The following WWOX variants were observed in gnomAD, a reference collection of about 807,000 sequenced individuals.
The protein encoded by WWOX is WW domain containing oxidoreductase, also known as WW domain-containing oxidoreductase.
In WWOX, 69 loss-of-function variants were observed where a neutral mutation model predicts 46.2. The observed-to-expected ratio is 1.49, with a 90% CI of 1.23 to 1.82. The LOEUF (loss-of-function observed/expected upper bound fraction) is 1.82, where lower values mean the gene tolerates loss of function less well. WWOX is among the 40% of genes most tolerant of loss of function. The probability of loss-of-function intolerance (pLI) is 0.00; values close to 1 mark genes in which losing one functional copy is unlikely to be tolerated. For synonymous variants in WWOX, 359 were observed against 202.6 expected (o/e 1.77, Z -6.56); for missense variants, 919 against 542.6 (o/e 1.69, Z -6.89).
chr16:78,221,438 A>T (rs578186495), intron 5 of WWOX, among the ~76,000 whole-genome samples: 1 of 152,192 alleles, frequency 6.6e-6, no homozygotes, highest in South Asian at 2.1e-4. Flanking sequence ...TTAATTGTGT[A>T]CTTTGAAGAA....
intron 8 of WWOX, among the ~76,000 whole-genome samples, chr16:78,738,626 T>C (rs2049143444): frequency 6.6e-6 from 1 of 152,224 alleles, no homozygotes; most frequent in Non-Finnish European, 1.5e-5. Flanking sequence ...TATATTTTTG[T>C]TACGCTTGTG....
chr16:78,716,573 C>G (rs2048567177), intron 8 of WWOX, among the ~76,000 whole-genome samples: 1 of 152,050 alleles, frequency 6.6e-6, no homozygotes, highest in African/African-American at 2.4e-5. Flanking sequence ...CAGTGTCTTC[C>G]CAGCCCCTGC....
chr16:78,718,678 A>C (rs559176091), intron 8 of WWOX, among the ~76,000 whole-genome samples: 1 of 152,286 alleles, frequency 6.6e-6, no homozygotes, highest in African/African-American at 2.4e-5. Flanking sequence ...ACAGCACTCC[A>C]GCCTGGCCAA....
chr16:79,058,239 G>A (rs1044172328), intron 8 of WWOX, among the ~76,000 whole-genome samples: 1 of 152,014 alleles, frequency 6.6e-6, no homozygotes, highest in Non-Finnish European at 1.5e-5. Context: ...ATGTGTGATG[G>A]TGGGCAACTT....
At chr16:78,991,972 C>A (rs889595069) in intron 8 of WWOX, among the ~76,000 whole-genome samples, 2 of 152,130 alleles carry the variant, frequency 1.3e-5, no homozygotes, top group Non-Finnish European at 2.9e-5. Context: ...GATGCAGGGG[C>A]GAAATGAAAC....
At chr16:78,480,878 G>A (rs554797518) in intron 8 of WWOX, among the ~76,000 whole-genome samples, 9 of 152,286 alleles carry the variant, frequency 5.9e-5, no homozygotes, top group East Asian at 1.9e-4. Flanking sequence ...TAAAGCAACC[G>A]TCACAGAATG....
At chr16:78,995,619 C>G (rs190231570) in intron 8 of WWOX, among the ~76,000 whole-genome samples, 2 of 151,954 alleles carry the variant, frequency 1.3e-5, no homozygotes, top group Non-Finnish European at 2.9e-5. Context: ...TGCAAAACCG[C>G]AAACTGGCTT....
intron 4 of WWOX, among the ~76,000 whole-genome samples, chr16:78,141,271 G>T (rs899761206): frequency 6.6e-6 from 1 of 152,074 alleles, no homozygotes; most frequent in Non-Finnish European, 1.5e-5. Context: ...CTGCGGAGAT[G>T]GTATGATTGT....
intron 5 of WWOX, among the ~76,000 whole-genome samples, chr16:78,375,775 C>CAACAA (rs894404340): frequency 2.0e-5 from 3 of 150,646 alleles, no homozygotes; most frequent in Non-Finnish European, 4.4e-5. Context: ...TTTCAGTGGC[C>CAACAA]AACAAAACAA....
At chr16:78,981,531 G>C (rs1164564454) in intron 8 of WWOX, among the ~76,000 whole-genome samples, 1 of 151,836 alleles carries the variant, frequency 6.6e-6, no homozygotes, top group South Asian at 2.1e-4. Context: ...TCCACTTTCC[G>C]GGTTCAGGTG....
At chr16:79,075,685 T>C (rs1333293288) in intron 8 of WWOX, among the ~76,000 whole-genome samples, 1 of 152,088 alleles carries the variant, frequency 6.6e-6, no homozygotes, top group African/African-American at 2.4e-5. Flanking sequence ...CCTGAGTAGC[T>C]GGGACTATAG....
chr16:78,634,804 C>G (rs1244849507), intron 8 of WWOX, among the ~76,000 whole-genome samples: 1 of 139,510 alleles, frequency 7.2e-6, no homozygotes, highest in Non-Finnish European at 1.6e-5. Context: ...AGGCTCAGCA[C>G]CCGACTGGAG....
intron 8 of WWOX, among the ~76,000 whole-genome samples, chr16:78,880,165 C>G (rs1212498395): frequency 1.3e-5 from 2 of 152,162 alleles, no homozygotes; most frequent in African/African-American, 4.8e-5. Flanking sequence ...TGGATCAAAT[C>G]AGACATCAGA....
chr16:78,958,299 T>G (rs1246026178), intron 8 of WWOX, among the ~76,000 whole-genome samples: 4 of 152,314 alleles, frequency 2.6e-5, no homozygotes, highest in African/African-American at 9.6e-5. Context: ...GTCATCAAAA[T>G]AACATTTACT....
chr16:78,731,862 T>TTTTTTG lies in WWOX; in HGVS notation c.1056+299111_1056+299112insTTTTGT, dbSNP rs34201735. ...TTCTTTCTCTTTTTTTTTTTTTTTTTTGAGAGACAGGGTCTTGCTTTATAG... is the reference window on the plus strand; with the variant it reads ...TTCTTTCTCTTTTTTTTTTTTTTTTTTTTTTGTGAGAGACAGGGTCTTGCTTTATAG... On this transcript the variant is annotated intron_variant, in intron 8 of 8. Transcript: ENST00000566780. Among the ~76,000 whole-genome samples the TTTTTTG allele has an allele frequency of 1.4e-3, 186 of 137,768 alleles. 2 individuals are homozygous for TTTTTTG. Among genetic ancestry groups the TTTTTTG allele is most frequent in the African/African-American group, 3.7e-3 (118 of 32,250 alleles). 90.4% of individuals were successfully genotyped at this position (137,768 alleles called of 152,430 possible). A position where few individuals can be genotyped will look rare whatever the true frequency, so the allele number is the denominator to read the frequency against.
chr16:79,137,347 A>G (rs78476680), intron 8 of WWOX, among the ~76,000 whole-genome samples: 2 of 152,212 alleles, frequency 1.3e-5, no homozygotes, highest in Non-Finnish European at 2.9e-5. Context: ...AAGAAAATTC[A>G]TGTGTTAGCC....
intron 8 of WWOX, among the ~76,000 whole-genome samples, chr16:78,739,560 C>T (rs1261100609): frequency 6.6e-6 from 1 of 152,132 alleles, no homozygotes; most frequent in Non-Finnish European, 1.5e-5. Flanking sequence ...GCCTGTAATC[C>T]AGCACTTTGG....
chr16:78,857,381 T>C (rs1425129115), intron 8 of WWOX, among the ~76,000 whole-genome samples: 1 of 152,208 alleles, frequency 6.6e-6, no homozygotes, highest in Non-Finnish European at 1.5e-5. Flanking sequence ...AGCATGTAAG[T>C]ATAAAAAGGT....
At chr16:78,546,350 T>G (rs1353210139) in intron 8 of WWOX, among the ~76,000 whole-genome samples, 1 of 152,072 alleles carries the variant, frequency 6.6e-6, no homozygotes, top group Non-Finnish European at 1.5e-5. Flanking sequence ...TGATCAGAAC[T>G]TTAAGGCCCG....
Sources: allele counts gnomAD v4.1 joint callset (sites outside exome capture counted in the v4.1 genomes callset), GRCh38; gene constraint gnomAD v4.1.1; transcripts MANE v1.5; gene names NCBI Gene and HGNC (gene_info 2026-07-23, HGNC 2026-07-21).